XPOT: variants seen among roughly 807,000 people sequenced by gnomAD.
The protein encoded by XPOT is exportin-T.
XPOT carries 34 observed loss-of-function variants against 128.2 expected under a neutral mutation model. The ratio of observed to expected loss-of-function variants is 0.27; its 90% CI spans 0.20 to 0.35. The LOEUF is 0.35. Among genes scored for constraint, XPOT ranks in the 10% least tolerant of loss-of-function variants. XPOT has a pLI of 1.00. For missense variants in XPOT, 838 were observed against 1,125.3 expected, an observed-to-expected ratio of 0.74 and a Z score of 3.65; for synonymous variants, 348 against 394.3, an observed-to-expected ratio of 0.88 and a Z score of 1.39.
chr12:64,450,364 G>T lies in XPOT; in HGVS notation c.*2233G>T, dbSNP rs904189229. The T allele has an allele frequency of 6.6e-6, 1 of 152,116 alleles. No homozygotes were observed. Among genetic ancestry groups the T allele is most frequent in the African/African-American group, 2.4e-5 (1 of 41,358 alleles). 9.4% of individuals were successfully genotyped at this position (152,116 alleles called of 1,614,324 possible). ...GGGTCTCACTATGTTACCCAGTCTG[G>T]TCTCAAACTCCCGGCCTCAAGCAAT... On this transcript the variant is annotated 3_prime_UTR_variant, in exon 25 of 25. Coordinates refer to ENST00000332707, the MANE Select transcript of XPOT (RefSeq NM_007235.6).
intron 6 of XPOT, among the ~76,000 whole-genome samples, chr12:64,419,749 C>T (rs1338581760): frequency 1.3e-5 from 2 of 152,126 alleles, no homozygotes; most frequent in East Asian, 1.9e-4. Context: ...AGGAGTTGTC[C>T]GTGTTGCTAC....
At chr12:64,415,044 C>T (rs1378994407) in intron 3 of XPOT, 55 bp downstream of exon 3, 2 of 1,096,070 alleles carry the variant, frequency 1.8e-6, no homozygotes, top group African/African-American at 3.2e-5. Flanking sequence ...CATGACAGGA[C>T]TGTGAAATTT....
Position 64,448,672 on chromosome 12 carries a change from T to TG in XPOT, c.*541_*542insG, listed in dbSNP as rs1297917390. On this transcript the variant is annotated 3_prime_UTR_variant, in exon 25 of 25. Transcript: ENST00000332707. ...TTATATATATATATAAAAATAAACT[T>TG]TACGTAGTGAAATCTTCCAAGTCTT... is the stretch of plus-strand genomic sequence containing the variant. 2.0e-5 allele frequency: 3 copies of TG among 151,828 alleles called. No homozygotes were observed. Among genetic ancestry groups the TG allele is most frequent in the African/African-American group, 7.2e-5 (3 of 41,392 alleles). The allele number at this position is 151,828 out of a possible 1,614,324, so 9.4% of individuals were successfully genotyped here. A position where few individuals can be genotyped will look rare whatever the true frequency, so the allele number is the denominator to read the frequency against.
chr12:64,445,029 T>C, intron 23 of XPOT, 46 bp from the exon 24 acceptor site: 1 of 1,448,510 alleles, frequency 6.9e-7, no homozygotes, highest in Non-Finnish European at 9.5e-7. Context: ...ATGGATTTAA[T>C]ACAAATACAT....
intron 24 of XPOT, among the ~76,000 whole-genome samples, chr12:64,447,422 A>C (rs2040374910): frequency 6.6e-6 from 1 of 152,090 alleles, no homozygotes; most frequent in Non-Finnish European, 1.5e-5. Flanking sequence ...TAAATAGTAA[A>C]TTCCTTACAG....
At chr12:64,435,785 A>C in intron 22 of XPOT, 111 bp downstream of exon 22, 1 of 1,056,810 alleles carries the variant, frequency 9.5e-7, no homozygotes, top group Non-Finnish European at 1.3e-6. Context: ...GACTTTTTGG[A>C]TGTGGGGAAA....
At chr12:64,409,284 CTGCAGT>C in intron 1 of XPOT, among the ~76,000 whole-genome samples, 1 of 152,186 alleles carries the variant, frequency 6.6e-6, no homozygotes, top group East Asian at 1.9e-4. Flanking sequence ...TTATACTTAA[CTGCAGT>C]TGCACAATTG....
chr12:64,431,929 T>G, intron 18 of XPOT, 106 bp downstream of exon 18: 1 of 1,182,402 alleles, frequency 8.5e-7, no homozygotes, highest in Non-Finnish European at 1.2e-6. Context: ...TTGCTTTTAA[T>G]GAATTACTTA....
chr12:64,422,033 C>T (rs573779173), intron 9 of XPOT, among the ~76,000 whole-genome samples: 8 of 152,292 alleles, frequency 5.3e-5, no homozygotes, highest in African/African-American at 1.4e-4. Context: ...TGGTCTTGAA[C>T]TCCCTACCTC....
At chr12:64,425,765 A>T in intron 14 of XPOT, 50 bp from the exon 15 acceptor site, 1 of 1,575,486 alleles carries the variant, frequency 6.3e-7, no homozygotes, top group South Asian at 1.1e-5. Context: ...GACAATATCA[A>T]CAAAACCCTT....
intron 1 of XPOT, among the ~76,000 whole-genome samples, chr12:64,408,334 C>T (rs895807431): frequency 2.0e-5 from 3 of 152,148 alleles, no homozygotes; most frequent in African/African-American, 7.2e-5. Context: ...TCTTGAACTC[C>T]TGACCTCAAG....
intron 23 of XPOT, chr12:64,443,099 T>C (rs2040339100): frequency 6.6e-6 from 1 of 152,304 alleles, no homozygotes; most frequent in Admixed American, 6.5e-5. Flanking sequence ...CCACCTCGGC[T>C]TCCCAAAGTG....
rs535688279 is a variant in XPOT, at chr12:64,428,275, T to C, written c.1737+155T>C. On this transcript the variant is annotated intron_variant, in intron 16 of 24. Coordinates refer to ENST00000332707, the MANE Select transcript of XPOT (RefSeq NM_007235.6). Reference sequence around the variant, plus strand: ...TCTATTTACCAAAATTCTGTTGACATAGTAAACAAAACATAGTAATAGGAA... The same window carrying C: ...TCTATTTACCAAAATTCTGTTGACACAGTAAACAAAACATAGTAATAGGAA... 6.6e-5 allele frequency among the ~76,000 whole-genome samples: 10 copies of C among 152,212 alleles called. No homozygotes were observed. In the East Asian group the frequency reaches 9.6e-4, roughly 15 times the overall value.
chr12:64,427,117 C>A (rs1053027292), intron 15 of XPOT, among the ~76,000 whole-genome samples: 1 of 128,744 alleles, frequency 7.8e-6, no homozygotes, highest in Non-Finnish European at 1.7e-5. Context: ...TACTCCCGAC[C>A]TTTTTTTTTT....
intron 1 of XPOT, among the ~76,000 whole-genome samples, chr12:64,405,607 C>G (rs1337467440): frequency 6.6e-6 from 1 of 152,226 alleles, no homozygotes; most frequent in African/African-American, 2.4e-5. Flanking sequence ...CGTATTGAAA[C>G]ATTTTTTGGG....
chr12:64,426,061 T>TAA (rs1316461438), intron 15 of XPOT, 152 bp downstream of exon 15: 1 of 698,260 alleles, frequency 1.4e-6, no homozygotes, highest in African/African-American at 1.8e-5. Context: ...CTCATGCCTA[T>TAA]AATCCCAACA....
intron 1 of XPOT, among the ~76,000 whole-genome samples, chr12:64,408,777 G>T (rs1476919288): frequency 1.3e-5 from 2 of 152,052 alleles, no homozygotes; most frequent in Admixed American, 6.6e-5. Flanking sequence ...GGGTTCAAGC[G>T]ATTCTTGTGC....
rs533817459 is a variant in XPOT, at chr12:64,419,468, C to G, written c.489+374C>G. On this transcript the variant is annotated intron_variant, in intron 6 of 24. Coordinates refer to ENST00000332707, the MANE Select transcript of XPOT (RefSeq NM_007235.6). ...TAGTAGCTGGGATTATAGGCACATG[C>G]CACCACGCCTGGCTAATTTTTGTAT... is the stretch of plus-strand genomic sequence containing the variant. Among the ~76,000 whole-genome samples the G allele has an allele frequency of 2.0e-5, 3 of 152,266 alleles. No homozygotes were observed. The South Asian group carries it at 6.2e-4, about 32-fold the overall frequency.
At chr12:64,442,680 G>C (rs1160098615) in intron 23 of XPOT, 1 of 152,356 alleles carries the variant, frequency 6.6e-6, no homozygotes, top group Non-Finnish European at 1.5e-5. Flanking sequence ...CTCCTTTCTT[G>C]TGTCCTCATT....
Sources: allele counts gnomAD v4.1 joint callset (sites outside exome capture counted in the v4.1 genomes callset), GRCh38; gene constraint gnomAD v4.1.1; transcripts MANE v1.5; gene names NCBI Gene and HGNC (gene_info 2026-07-23, HGNC 2026-07-21).